The following ROBO2 variants were observed in gnomAD, a reference collection of about 807,000 sequenced individuals.
ROBO2 encodes roundabout homolog 2.
Under a neutral mutation model 160.8 loss-of-function variants are expected in ROBO2, and 53 were observed. The observed-to-expected ratio is 0.33, with a 90% CI of 0.26 to 0.41. The LOEUF is 0.41. Among genes scored for constraint, ROBO2 ranks in the 10% least tolerant of loss-of-function variants. ROBO2 has a pLI of 1.00. For synonymous variants in ROBO2, 664 were observed against 611.7 expected, an observed-to-expected ratio of 1.09 and a Z score of -1.26; for missense variants, 1,577 against 1,722.4, an observed-to-expected ratio of 0.92 and a Z score of 1.49.
At chr3:76,542,448 T>G (rs2082871812) in intron 2 of ROBO2, among the ~76,000 whole-genome samples, 1 of 152,168 alleles carries the variant, frequency 6.6e-6, no homozygotes, top group Non-Finnish European at 1.5e-5. Flanking sequence ...GATTGGTCAC[T>G]TAATACCAGG....
At chr3:77,427,008 T>G (rs2078279080) in intron 2 of ROBO2, among the ~76,000 whole-genome samples, 1 of 151,576 alleles carries the variant, frequency 6.6e-6, no homozygotes, top group African/African-American at 2.4e-5. Context: ...AACAGCGAAC[T>G]TCATATTTTA....
At position 76,320,801 on chromosome 3, in the gene ROBO2, T is replaced by C. The variant is rs529024664; in HGVS notation, c.109+383199T>C. On this transcript the variant is annotated intron_variant, in intron 2 of 26. Coordinates refer to the ROBO2 transcript ENST00000487694. ...AGGGTTGAGGTTGTTGATTGCGAAG[T>C]GTAATGAGTAGGACTTAATGCACTG... Among the ~76,000 whole-genome samples, 62 of 152,328 alleles carry C rather than the reference T, an allele frequency of 4.1e-4. No homozygotes were observed. The South Asian group carries it at 4.1e-3, about 10-fold the overall frequency.
At chr3:76,960,856 G>A (rs76639045) in intron 2 of ROBO2, among the ~76,000 whole-genome samples, 1 of 152,146 alleles carries the variant, frequency 6.6e-6, no homozygotes, top group East Asian at 1.9e-4. Context: ...TGGGAGCAAG[G>A]AAAGTAACAA....
chr3:76,658,722 A>G (rs936900699), intron 2 of ROBO2, among the ~76,000 whole-genome samples: 4 of 152,020 alleles, frequency 2.6e-5, no homozygotes, highest in African/African-American at 9.7e-5. Context: ...CATTTTCTTT[A>G]TCCAGTCTAT....
chr3:76,100,942 G>A (rs2069658407), intron 2 of ROBO2, among the ~76,000 whole-genome samples: 1 of 151,988 alleles, frequency 6.6e-6, no homozygotes, highest in Non-Finnish European at 1.5e-5. Context: ...GCATGGTCGT[G>A]GCTCACTGAA....
chr3:76,846,652 T>A (rs984385585), intron 2 of ROBO2, among the ~76,000 whole-genome samples: 3 of 152,200 alleles, frequency 2.0e-5, no homozygotes, highest in African/African-American at 7.2e-5. Context: ...TTTTACCGAT[T>A]TACTGGCTCT....
intron 2 of ROBO2, among the ~76,000 whole-genome samples, chr3:76,280,926 A>G (rs947952660): frequency 2.0e-5 from 3 of 151,860 alleles, no homozygotes; most frequent in African/African-American, 7.2e-5. Context: ...CAGTGTTCTT[A>G]TACTTGTTGG....
chr3:76,926,591 G>A lies in ROBO2; in HGVS notation c.110-171423G>A, dbSNP rs115607473. Among the ~76,000 whole-genome samples the A allele has an allele frequency of 3.9e-3, 591 of 152,252 alleles. 2 individuals carry two copies. Among genetic ancestry groups the A allele is most frequent in the African/African-American group, 0.013 (558 of 41,542 alleles). ...AGCAATTCACTTCACTAATGTGATT[G>A]TCCATTTGACAAACTTACCAGATTT... On this transcript the variant is annotated intron_variant, in intron 2 of 26. Coordinates refer to the ROBO2 transcript ENST00000487694.
chr3:77,607,706 G>C, intron 20 of ROBO2, 92 bp from the exon 22 acceptor site: 1 of 1,099,800 alleles, frequency 9.1e-7, no homozygotes, highest in South Asian at 1.3e-5. Flanking sequence ...TACTGATTCT[G>C]GTGTTTTGAA....
chr3:76,878,402 A>G (rs2072995728), intron 2 of ROBO2, among the ~76,000 whole-genome samples: 1 of 152,188 alleles, frequency 6.6e-6, no homozygotes, highest in South Asian at 2.1e-4. Context: ...TTTCACTAAA[A>G]TTTATTCTTT....
intron 2 of ROBO2, among the ~76,000 whole-genome samples, chr3:76,045,877 T>C (rs930940603): frequency 1.5e-4 from 23 of 152,096 alleles, no homozygotes; most frequent in African/African-American, 5.6e-4. Flanking sequence ...AAGAGTTTTA[T>C]TTTTATTTTT....
chr3:76,960,682 C>T (rs2079584837), intron 2 of ROBO2, among the ~76,000 whole-genome samples: 1 of 152,056 alleles, frequency 6.6e-6, no homozygotes, highest in Admixed American at 6.6e-5. Context: ...GTGTGAATAG[C>T]TCTCTAAGAT....
intron 2 of ROBO2, among the ~76,000 whole-genome samples, chr3:76,424,907 A>AC (rs1181893208): frequency 7.2e-5 from 11 of 152,176 alleles, no homozygotes; most frequent in African/African-American, 2.4e-4. Context: ...AAACAGCTCC[A>AC]CTGGAGCATG....
At chr3:77,081,512 A>G (rs1374111028) in intron 1 of ROBO2, among the ~76,000 whole-genome samples, 1 of 152,196 alleles carries the variant, frequency 6.6e-6, no homozygotes, top group Non-Finnish European at 1.5e-5. Context: ...AAAATGGAAC[A>G]TCAAATCCTG....
chr3:76,381,802 G>A (rs1036879789), intron 2 of ROBO2, among the ~76,000 whole-genome samples: 1 of 152,152 alleles, frequency 6.6e-6, no homozygotes, highest in African/African-American at 2.4e-5. Context: ...TTGAGACAGA[G>A]AGAGGTTAAG....
chr3:76,092,681 C>T (rs958239015), intron 2 of ROBO2, among the ~76,000 whole-genome samples: 7 of 152,134 alleles, frequency 4.6e-5, no homozygotes, highest in African/African-American at 1.7e-4. Flanking sequence ...TAGATCCAGC[C>T]TCTTCAGCTA....
intron 2 of ROBO2, among the ~76,000 whole-genome samples, chr3:76,128,779 A>G (rs2071106060): frequency 6.6e-6 from 1 of 152,098 alleles, no homozygotes; most frequent in African/African-American, 2.4e-5. Context: ...CTTATACTGT[A>G]TTTTTAAAAA....
intron 1 of ROBO2, among the ~76,000 whole-genome samples, chr3:75,912,272 T>G (rs1229933147): frequency 6.6e-6 from 1 of 152,234 alleles, no homozygotes; most frequent in African/African-American, 2.4e-5. Flanking sequence ...CTTAACAGTT[T>G]TATGCTGTCA....
intron 2 of ROBO2, among the ~76,000 whole-genome samples, chr3:76,067,499 T>TAA (rs34887221): frequency 0.015 from 2,277 of 150,056 alleles, 27 homozygotes; most frequent in Middle Eastern, 0.045. Flanking sequence ...TGGAATTGTT[T>TAA]AAAAAAAAAA....
Sources: allele counts gnomAD v4.1 joint callset (sites outside exome capture counted in the v4.1 genomes callset), GRCh38; gene constraint gnomAD v4.1.1; transcripts MANE v1.5; gene names NCBI Gene and HGNC (gene_info 2026-07-23, HGNC 2026-07-21).